The following KCNA1 variants were observed in gnomAD, a reference collection of about 807,000 sequenced individuals.
KCNA1 encodes the protein potassium voltage-gated channel subfamily A member 1, also known as potassium channel, voltage gated shaker related subfamily A, member 1.
KCNA1 carries 19 observed loss-of-function variants against 28.8 expected under a neutral mutation model. The observed-to-expected ratio is 0.66, with a 90% CI of 0.46 to 0.97. The LOEUF (loss-of-function observed/expected upper bound fraction) is 0.97. Ranked by LOEUF, KCNA1 falls within the 50% of genes least tolerant of loss-of-function variation. The pLI, the probability that KCNA1 is intolerant of heterozygous loss-of-function variation, is 0.00. For synonymous variants in KCNA1, 311 were observed against 268.8 expected (o/e 1.16, Z -1.53); for missense variants, 419 against 659.7 (o/e 0.64, Z 4.00).
In KCNA1 at chr12:4,915,046, C is replaced by T. The variant is rs1186924931; in HGVS notation, c.*2180C>T. 2.4e-5 allele frequency: 4 copies of T among 167,190 alleles called. No individual in the cohort carries two copies. Among genetic ancestry groups the T allele is most frequent in the South Asian group, 2.1e-4 (1 of 4,820 alleles). 10.4% of individuals were successfully genotyped at this position (167,190 alleles called of 1,614,324 possible). ...CATAATAACCTTTCCTAGGCCTTCC[C>T]TCCTGGTCTACCCCTTTCAGATATT... On this transcript the variant is annotated 3_prime_UTR_variant, in exon 2 of 2. Coordinates refer to ENST00000382545, the MANE Select transcript of KCNA1 (RefSeq NM_000217.3).
Position 4,911,586 on chromosome 12 carries a change from A to G in KCNA1, c.208A>G (p.Met70Val), listed in dbSNP as rs1220977526. The change falls in exon 2 of 2, where the codon ATG becomes GTG. Residue 70 changes from methionine to valine, a missense_variant. Transcript: ENST00000382545. This position sits in a 1 kb window ranked among gnomAD's most constrained non-coding sequence, Gnocchi z 6.6. The part of the protein sequence containing the change: ...NTLLGNPKKR[M>V]RYFDPLRNEY... ...GCTGCTGGGCAACCCTAAGAAACGC[A>G]TGCGCTACTTCGACCCCCTGAGGAA... The G allele has an allele frequency of 3.1e-6, 5 of 1,613,986 alleles. No homozygotes were observed. Among genetic ancestry groups the G allele is most frequent in the Non-Finnish European group, 2.5e-6 (3 of 1,180,036 alleles).
rs1947364424 is a variant in KCNA1 at position 4,913,334 on chromosome 12, A to G, written c.*468A>G. On this transcript the variant is annotated 3_prime_UTR_variant, in exon 2 of 2. Coordinates refer to ENST00000382545, the MANE Select transcript of KCNA1 (RefSeq NM_000217.3). Reference sequence around the variant, plus strand: ...TAGCACATTGAAGACAGTGCATCAGATGTATTATATGTAACATGATAGACC... The same window carrying G: ...TAGCACATTGAAGACAGTGCATCAGGTGTATTATATGTAACATGATAGACC... 4.7e-6 allele frequency: 1 copy of G among 210,688 alleles called. No homozygotes were observed. Among genetic ancestry groups the G allele is most frequent in the Non-Finnish European group, 1.1e-5 (1 of 95,138 alleles). The allele number at this position is 210,688 out of a possible 1,614,324, so 13.1% of individuals were successfully genotyped here. A position where few individuals can be genotyped will look rare whatever the true frequency, so the allele number is the denominator to read the frequency against.
Position 4,911,417 on chromosome 12 carries a change from G to A in KCNA1, c.39G>A (p.Ser13=). 1.2e-6 allele frequency: 2 copies of A among 1,613,044 alleles called. No individual in the cohort carries two copies. The highest frequency in any genetic ancestry group is 8.5e-7 in the Non-Finnish European group (1 of 1,179,796). Residue 13 remains serine (S), a synonymous_variant, in exon 2 of 2, where the codon TCG becomes TCA. Coordinates refer to ENST00000382545, the MANE Select transcript of KCNA1 (RefSeq NM_000217.3). The surrounding 1 kb of genome is among the most constrained non-coding windows in gnomAD (Gnocchi z 6.6). ...VMSGENVDEA[S]AAPGHPQDGS... ...CTGGGGAGAACGTGGACGAGGCTTC[G>A]GCCGCCCCGGGCCACCCCCAGGATG...
rs1947393361 is a variant in KCNA1 at position 4,917,610 on chromosome 12, T to G, written c.*4744T>G. Reference sequence around the variant, plus strand: ...CTGCTGACCTCAGGGCTTTTCGCTTTAAGGAGATTAACCCTAGTCACAGTG... The same window carrying G: ...CTGCTGACCTCAGGGCTTTTCGCTTGAAGGAGATTAACCCTAGTCACAGTG... On this transcript the variant is annotated 3_prime_UTR_variant, in exon 2 of 2. Coordinates refer to ENST00000382545, the MANE Select transcript of KCNA1 (RefSeq NM_000217.3). The G allele has an allele frequency of 6.0e-6, 1 of 167,086 alleles. No individual in the cohort carries two copies. Among genetic ancestry groups the G allele is most frequent in the Admixed American group, 6.5e-5 (1 of 15,278 alleles). The allele number at this position is 167,086 out of a possible 1,614,324, so 10.4% of individuals were successfully genotyped here.
In KCNA1 at chr12:4,911,968, A is replaced by C; in HGVS notation, c.590A>C (p.Asp197Ala). The change falls in exon 2 of 2, where the codon GAC (aspartate) becomes GCC (alanine). Residue 197 changes from aspartate (D) to alanine (A), a missense_variant. By Grantham distance (126) the Asp-to-Ala change is moderately radical (BLOSUM62 -2). Transcript: ENST00000382545. The surrounding 1 kb of genome is among the most constrained non-coding windows in gnomAD (Gnocchi z 6.6). ...ETLPELKDDK[D>A]FTGTVHRIDN... ...CTCCCCGAGCTGAAGGATGACAAGGACTTCACGGGCACCGTCCACCGCATC... is the reference window on the plus strand; with the variant it reads ...CTCCCCGAGCTGAAGGATGACAAGGCCTTCACGGGCACCGTCCACCGCATC... 1 of 1,613,810 alleles carries C rather than the reference A, an allele frequency of 6.2e-7. No homozygotes were observed. Among genetic ancestry groups the C allele is most frequent in the Non-Finnish European group, 8.5e-7 (1 of 1,179,952 alleles).
At position 4,913,208 on chromosome 12, in the gene KCNA1, G is replaced by T; in HGVS notation, c.*342G>T. On this transcript the variant is annotated 3_prime_UTR_variant, in exon 2 of 2. Transcript: ENST00000382545. ...CAAACTGAAACATTTTTAATGCTTT[G>T]GTTTCTTTAACTTTTTTAAAAACTC... 1 of 301,584 alleles carries T rather than the reference G, an allele frequency of 3.3e-6. No homozygotes were observed. The highest frequency in any genetic ancestry group is 6.7e-6 in the Non-Finnish European group (1 of 150,112). The allele number at this position is 301,584 out of a possible 1,614,324, so 18.7% of individuals were successfully genotyped here. A position where few individuals can be genotyped will look rare whatever the true frequency, so the allele number is the denominator to read the frequency against.
In KCNA1 at chr12:4,910,681, C is replaced by T. The variant is rs1947344461; in HGVS notation, c.-539-159C>T. The stretch of plus-strand genomic sequence containing the variant: ...TGGAAGAGCCCCAAACTTGGATTTC[C>T]GGGTGTCTGCGTGTCGTCTGTCCGT... On this transcript the variant is annotated intron_variant, in intron 1 of 1. Transcript: ENST00000382545. The surrounding 1 kb of genome is among the most constrained non-coding windows in gnomAD (Gnocchi z 4.9). 6.6e-6 allele frequency among the ~76,000 whole-genome samples: 1 copy of T among 152,102 alleles called. No individual in the cohort carries two copies. Among genetic ancestry groups the T allele is most frequent in the Non-Finnish European group, 1.5e-5 (1 of 68,000 alleles).
rs1947348426 is a variant in KCNA1 at position 4,911,237 on chromosome 12, G to A, written c.-142G>A. On this transcript the variant is annotated 5_prime_UTR_variant, in exon 2 of 2. The change creates a new upstream start codon in the 5' untranslated region. Coordinates refer to ENST00000382545, the MANE Select transcript of KCNA1 (RefSeq NM_000217.3). This position sits in a 1 kb window ranked among gnomAD's most constrained non-coding sequence, Gnocchi z 6.6. ...AAGTCGCAGATCTCCCGACCTGCTC[G>A]TGTTGAAGCACCTCCCCCTGGGCGT... 5 of 638,086 alleles carry A rather than the reference G, an allele frequency of 7.8e-6. No homozygotes were observed. Among genetic ancestry groups the A allele is most frequent in the East Asian group, 2.7e-5 (1 of 36,728 alleles). 39.5% of individuals were successfully genotyped at this position (638,086 alleles called of 1,614,324 possible). A position where few individuals can be genotyped will look rare whatever the true frequency, so the allele number is the denominator to read the frequency against.
In KCNA1 at chr12:4,914,004, C is replaced by A. The variant is rs2137675324; in HGVS notation, c.*1138C>A. The A allele has an allele frequency of 6.3e-6, 1 of 158,230 alleles. No homozygotes were observed. Among genetic ancestry groups the A allele is most frequent in the South Asian group, 2.2e-4 (1 of 4,594 alleles). The allele number at this position is 158,230 out of a possible 1,614,324, so 9.8% of individuals were successfully genotyped here. ...TATGGCCTATTTGACTAAGATGTAC[C>A]TTGAATTAATTAATGCATGATTTCA... On this transcript the variant is annotated 3_prime_UTR_variant, in exon 2 of 2. Coordinates refer to ENST00000382545, the MANE Select transcript of KCNA1 (RefSeq NM_000217.3).
rs1947364499 is a variant in KCNA1 at position 4,913,346 on chromosome 12, T to A, written c.*480T>A. 2 of 198,310 alleles carry A rather than the reference T, an allele frequency of 1.0e-5. No homozygotes were observed. The highest frequency in any genetic ancestry group is 1.1e-5 in the Non-Finnish European group (1 of 87,476). The allele number at this position is 198,310 out of a possible 1,614,324, so 12.3% of individuals were successfully genotyped here. A position where few individuals can be genotyped will look rare whatever the true frequency, so the allele number is the denominator to read the frequency against. Reference sequence around the variant, plus strand: ...GACAGTGCATCAGATGTATTATATGTAACATGATAGACCAGCCAAAATGGA... The same window carrying A: ...GACAGTGCATCAGATGTATTATATGAAACATGATAGACCAGCCAAAATGGA... On this transcript the variant is annotated 3_prime_UTR_variant, in exon 2 of 2. Transcript: ENST00000382545.
rs1028185535 is a variant in KCNA1 at position 4,916,710 on chromosome 12, A to T, written c.*3844A>T. ...CTGAAATGAATTGTAGGGCAGGTTT[A>T]GATTCCACTATGGTGGACGTGAAGC... is the stretch of plus-strand genomic sequence containing the variant. On this transcript the variant is annotated 3_prime_UTR_variant, in exon 2 of 2. Transcript: ENST00000382545. The T allele has an allele frequency of 6.0e-6, 1 of 167,116 alleles. No homozygotes were observed. The highest frequency in any genetic ancestry group is 2.4e-5 in the African/African-American group (1 of 41,464). The allele number at this position is 167,116 out of a possible 1,614,324, so 10.4% of individuals were successfully genotyped here.
rs1947379650 is a variant in KCNA1, at chr12:4,915,465, G to T, written c.*2599G>T. 6.0e-6 allele frequency: 1 copy of T among 167,046 alleles called. No individual in the cohort carries two copies. Among genetic ancestry groups the T allele is most frequent in the Non-Finnish European group, 1.5e-5 (1 of 68,130 alleles). 10.3% of individuals were successfully genotyped at this position (167,046 alleles called of 1,614,324 possible). The stretch of plus-strand genomic sequence containing the variant: ...TAACTCGATTAAAAGAAAGAACATG[G>T]ATATCTTATTTTCCTATGTGACTTT... On this transcript the variant is annotated 3_prime_UTR_variant, in exon 2 of 2. Transcript: ENST00000382545.
At position 4,912,968 on chromosome 12, in the gene KCNA1, T is replaced by G. The variant is rs546908339; in HGVS notation, c.*102T>G. 3.5e-6 allele frequency: 3 copies of G among 845,796 alleles called. No individual in the cohort carries two copies. The highest frequency in any genetic ancestry group is 3.4e-5 in the African/African-American group (2 of 59,540). The allele number at this position is 845,796 out of a possible 1,614,324, so 52.4% of individuals were successfully genotyped here. A position where few individuals can be genotyped will look rare whatever the true frequency, so the allele number is the denominator to read the frequency against. ...ACTCATGTCACGCTTTGTAGATACT[T>G]TACTAAGTAGACTTGGAATGCTCTA... On this transcript the variant is annotated 3_prime_UTR_variant, in exon 2 of 2. Coordinates refer to ENST00000382545, the MANE Select transcript of KCNA1 (RefSeq NM_000217.3).
At position 4,910,782 on chromosome 12, in the gene KCNA1, C is replaced by G. The variant is rs1467333810; in HGVS notation, c.-539-58C>G. 6.3e-6 allele frequency: 1 copy of G among 158,298 alleles called. No individual in the cohort carries two copies. The highest frequency in any genetic ancestry group is 1.4e-5 in the Non-Finnish European group (1 of 71,938). 9.8% of individuals were successfully genotyped at this position (158,298 alleles called of 1,614,324 possible). A position where few individuals can be genotyped will look rare whatever the true frequency, so the allele number is the denominator to read the frequency against. ...CTGTGTTCTTCGGTGTCTGTAGGTC[C>G]GTCCCATCTGAATGCTTCTGATTTT... On this transcript the variant is annotated intron_variant, in intron 1 of 1. Transcript: ENST00000382545. The surrounding 1 kb of genome is among the most constrained non-coding windows in gnomAD (Gnocchi z 4.9).
rs943036285 is a variant in KCNA1, at chr12:4,913,821, C to A, written c.*955C>A. 1.8e-5 allele frequency: 3 copies of A among 166,672 alleles called. No homozygotes were observed. The highest frequency in any genetic ancestry group is 7.2e-5 in the African/African-American group (3 of 41,446). The allele number at this position is 166,672 out of a possible 1,614,324, so 10.3% of individuals were successfully genotyped here. A position where few individuals can be genotyped will look rare whatever the true frequency, so the allele number is the denominator to read the frequency against. On this transcript the variant is annotated 3_prime_UTR_variant, in exon 2 of 2. Coordinates refer to ENST00000382545, the MANE Select transcript of KCNA1 (RefSeq NM_000217.3). ...TAAGCTTAAGTTGAAATCGATTCTT[C>A]TAAAAATAGATCCTTTTTCATTTGC...
In KCNA1 at chr12:4,917,461, C is replaced by A. The variant is rs892548382; in HGVS notation, c.*4595C>A. 1.2e-5 allele frequency: 2 copies of A among 167,046 alleles called. No individual in the cohort carries two copies. The highest frequency in any genetic ancestry group is 4.8e-5 in the African/African-American group (2 of 41,442). 10.3% of individuals were successfully genotyped at this position (167,046 alleles called of 1,614,324 possible). A position where few individuals can be genotyped will look rare whatever the true frequency, so the allele number is the denominator to read the frequency against. On this transcript the variant is annotated 3_prime_UTR_variant, in exon 2 of 2. Transcript: ENST00000382545. ...TGTTCCATTACCTTGGGTCACTGTG[C>A]AAACTAATTCAGGGTACAGATATAA...
In KCNA1 at chr12:4,914,620, G is replaced by T. The variant is rs1392471106; in HGVS notation, c.*1754G>T. 1.2e-5 allele frequency: 2 copies of T among 167,222 alleles called. No homozygotes were observed. The highest frequency in any genetic ancestry group is 2.1e-4 in the South Asian group (1 of 4,824). The allele number at this position is 167,222 out of a possible 1,614,324, so 10.4% of individuals were successfully genotyped here. ...GGAAGGGTTGGGGCACAGACCTTTT[G>T]CTTTTTCTTTTTCCATTCTCGCTCT... On this transcript the variant is annotated 3_prime_UTR_variant, in exon 2 of 2. Coordinates refer to ENST00000382545, the MANE Select transcript of KCNA1 (RefSeq NM_000217.3).
Position 4,910,573 on chromosome 12 carries a change from C to T in KCNA1, c.-540+101C>T, listed in dbSNP as rs1260646096. The T allele has an allele frequency of 6.6e-6, 1 of 152,222 alleles. No individual in the cohort carries two copies. The highest frequency in any genetic ancestry group is 1.5e-5 in the Non-Finnish European group (1 of 68,062). The allele number at this position is 152,222 out of a possible 1,614,324, so 9.4% of individuals were successfully genotyped here. ...ATGCTGTCCGGGACCCTGAGCTTCC[C>T]CCGGCGTCTCTCGGCGCTTTTCCGA... On this transcript the variant is annotated intron_variant, in intron 1 of 1. Transcript: ENST00000382545. The surrounding 1 kb of genome is among the most constrained non-coding windows in gnomAD (Gnocchi z 4.9).
rs1947376648 is a variant in KCNA1, at chr12:4,915,074, C to T, written c.*2208C>T. 1 of 167,310 alleles carries T rather than the reference C, an allele frequency of 6.0e-6. No homozygotes were observed. The highest frequency in any genetic ancestry group is 3.3e-3 in the Middle Eastern group (1 of 300). 10.4% of individuals were successfully genotyped at this position (167,310 alleles called of 1,614,324 possible). ...CTGGTCTACCCCTTTCAGATATTTC[C>T]TGATGCCCCTATGATCTTCCCACCT... On this transcript the variant is annotated 3_prime_UTR_variant, in exon 2 of 2. Coordinates refer to ENST00000382545, the MANE Select transcript of KCNA1 (RefSeq NM_000217.3).
Sources: gnomAD v4.1 joint callset for allele counts (sites outside exome capture counted in the v4.1 genomes callset) on GRCh38, gnomAD v4.1.1 for gene constraint, Gnocchi (gnomAD v3.1) non-coding constraint, MANE v1.5 for transcripts, NCBI Gene and HGNC (gene_info 2026-07-23, HGNC 2026-07-21) for gene names.